The following CHD7 variants were observed in gnomAD, a reference collection of about 807,000 sequenced individuals.
The protein encoded by CHD7 is ATP-dependent chromatin remodeler CHD7.
CHD7 carries 24 observed loss-of-function variants against 307.3 expected under a neutral mutation model. The observed-to-expected ratio is 0.08, with a 90% CI of 0.06 to 0.11. The LOEUF is 0.11. CHD7 is among the 10% of genes least tolerant of loss of function. The probability of loss-of-function intolerance (pLI) is 1.00; values close to 1 mark genes in which losing one functional copy is unlikely to be tolerated. For missense variants in CHD7, 3,106 were observed against 3,727.1 expected, an observed-to-expected ratio of 0.83 and a Z score of 4.34; for synonymous variants, 1,363 against 1,349.9, an observed-to-expected ratio of 1.01 and a Z score of -0.21.
At chr8:60,856,398 A>G in intron 33 of CHD7, 47 bp from the exon 34 acceptor site, 3 of 1,523,088 alleles carry the variant, frequency 2.0e-6, no homozygotes, top group Non-Finnish European at 2.7e-6. Context: ...ATATAGCAGT[A>G]CTGTTTTGGC....
chr8:60,866,062 T>G lies in CHD7; in HGVS notation c.*129T>G, dbSNP rs1276300497. The stretch of plus-strand genomic sequence containing the variant: ...TAACATAGTGTAGCAAAAAAAAAAG[T>G]TCAAGTCATGTTATACAGGTGTGTC... On this transcript the variant is annotated 3_prime_UTR_variant, in exon 38 of 38. Transcript: ENST00000423902. The G allele has an allele frequency of 3.7e-6, 3 of 816,334 alleles. No individual in the cohort carries two copies. The highest frequency in any genetic ancestry group is 5.8e-6 in the Non-Finnish European group (3 of 520,154). 50.6% of individuals were successfully genotyped at this position (816,334 alleles called of 1,614,324 possible).
intron 2 of CHD7, among the ~76,000 whole-genome samples, chr8:60,754,102 C>T (rs905021546): frequency 6.6e-6 from 1 of 152,218 alleles, no homozygotes; most frequent in Non-Finnish European, 1.5e-5. Flanking sequence ...CCTCTCACCC[C>T]TCCACTATTC....
At chr8:60,819,169 G>C (rs959673341) in intron 8 of CHD7, among the ~76,000 whole-genome samples, 2 of 152,118 alleles carry the variant, frequency 1.3e-5, no homozygotes, top group Non-Finnish European at 2.9e-5. Context: ...TGGCCAGGCT[G>C]GTCTTGAACT....
chr8:60,865,310 A>G lies in CHD7; in HGVS notation c.8371A>G (p.Asn2791Asp). Residue 2791 changes from asparagine (N) to aspartate (D), a missense_variant, in exon 38 of 38, where the codon AAC (asparagine) becomes GAC (aspartate). This residue lies in a region of CHD7 where 351 missense variants were observed against 366.2 expected (regional missense o/e 0.96). Coordinates refer to ENST00000423902, the MANE Select transcript of CHD7 (RefSeq NM_017780.4). The surrounding 1 kb of genome is among the most constrained non-coding windows in gnomAD (Gnocchi z 4.3). ...TGCCACCGCCGGAGGCGATGCGAAG[A>G]ACCCTGCTGCTGTGCTGCCCCTGAT... ...TAATAGGDAK[N>D]PAAVLPLMLP... The G allele has an allele frequency of 1.9e-6, 3 of 1,611,764 alleles. No individual in the cohort carries two copies. Among genetic ancestry groups the G allele is most frequent in the Non-Finnish European group, 2.5e-6 (3 of 1,179,144 alleles).
chr8:60,733,808 A>C (rs1054390852), intron 1 of CHD7, among the ~76,000 whole-genome samples: 2 of 152,188 alleles, frequency 1.3e-5, no homozygotes, highest in Admixed American at 6.5e-5. Flanking sequence ...GGCTACTCAG[A>C]ATATCCAGAG....
At chr8:60,712,175 T>C (rs1807311210) in intron 1 of CHD7, among the ~76,000 whole-genome samples, 1 of 152,236 alleles carries the variant, frequency 6.6e-6, no homozygotes, top group South Asian at 2.1e-4. Context: ...TAAAATAATT[T>C]TGGTGGAAGG....
intron 3 of CHD7, among the ~76,000 whole-genome samples, chr8:60,793,073 T>C (rs972795102): frequency 6.6e-6 from 1 of 152,174 alleles, no homozygotes; most frequent in African/African-American, 2.4e-5. Flanking sequence ...GTAATCTGAT[T>C]GCTCTTGGCG....
At chr8:60,770,829 C>T (rs1810673664) in intron 2 of CHD7, among the ~76,000 whole-genome samples, 1 of 152,172 alleles carries the variant, frequency 6.6e-6, no homozygotes, top group Non-Finnish European at 1.5e-5. Flanking sequence ...CAGCTGTTAC[C>T]TTACACCAAG....
At chr8:60,796,723 T>C (rs1812054868) in intron 4 of CHD7, among the ~76,000 whole-genome samples, 1 of 152,156 alleles carries the variant, frequency 6.6e-6, no homozygotes, top group Non-Finnish European at 1.5e-5. Flanking sequence ...CTGTTACGTG[T>C]TCAATAGCTA....
At chr8:60,788,552 G>T (rs1367176881) in intron 3 of CHD7, among the ~76,000 whole-genome samples, 1 of 152,196 alleles carries the variant, frequency 6.6e-6, no homozygotes, top group Non-Finnish European at 1.5e-5. Context: ...CCTGCTAACA[G>T]GTCTCCTCTT....
chr8:60,754,122 G>A (rs1032491144), intron 2 of CHD7, among the ~76,000 whole-genome samples: 6 of 151,992 alleles, frequency 3.9e-5, no homozygotes, highest in African/African-American at 1.5e-4. Flanking sequence ...CTGTGTAGTG[G>A]TCACACACTA....
At position 60,691,821 on chromosome 8, in the gene CHD7, T is replaced by C. The variant is rs567506624; in HGVS notation, c.-175+12739T>C. ...CTCGTAAAGTGTGTTTGTTTTAGAT[T>C]ATTTTAAAGACCCTGTGGAATTTGT... On this transcript the variant is annotated intron_variant, in intron 1 of 37. Transcript: ENST00000423902. 5.9e-5 allele frequency among the ~76,000 whole-genome samples: 9 copies of C among 152,362 alleles called. No homozygotes were observed. In the South Asian group the frequency reaches 1.5e-3, roughly 25 times the overall value.
chr8:60,791,205 A>T (rs533075269), intron 3 of CHD7, among the ~76,000 whole-genome samples: 1 of 152,328 alleles, frequency 6.6e-6, no homozygotes, highest in East Asian at 1.9e-4. Context: ...TGGGAAATAC[A>T]GGAGACAGAG....
intron 7 of CHD7, 28 bp downstream of exon 7, chr8:60,808,300 T>TG (rs763855148): frequency 1.0e-5 from 13 of 1,298,056 alleles, no homozygotes; most frequent in East Asian, 4.8e-5. Context: ...CTGTTTTTAA[T>TG]GGGGGGCTAT....
chr8:60,697,334 G>A (rs1431401159), intron 1 of CHD7, among the ~76,000 whole-genome samples: 1 of 152,150 alleles, frequency 6.6e-6, no homozygotes, highest in East Asian at 1.9e-4. Flanking sequence ...CTTCACAGGA[G>A]GGCAATAGCT....
intron 11 of CHD7, 50 bp from the exon 12 acceptor site, chr8:60,822,453 G>T (rs746540331): frequency 4.5e-6 from 7 of 1,561,878 alleles, no homozygotes. Flanking sequence ...TGACAGCAGT[G>T]TGTCATATCC....
chr8:60,729,745 C>T (rs1808347298), intron 1 of CHD7, among the ~76,000 whole-genome samples: 1 of 152,168 alleles, frequency 6.6e-6, no homozygotes, highest in Admixed American at 6.5e-5. Flanking sequence ...AAACAAATGT[C>T]ATGTCTGGTA....
intron 18 of CHD7, 94 bp downstream of exon 18, chr8:60,837,929 G>A (rs552036022): frequency 2.9e-5 from 38 of 1,322,344 alleles, no homozygotes; most frequent in African/African-American, 1.9e-4. Context: ...ATTATTTTTC[G>A]ACCTCAATAT....
chr8:60,734,323 G>A (rs1016732121), intron 1 of CHD7, among the ~76,000 whole-genome samples: 2 of 152,272 alleles, frequency 1.3e-5, no homozygotes, highest in African/African-American at 2.4e-5. Context: ...GAGAGTCTGC[G>A]TCTCTTACCA....
Sources: gnomAD v4.1 joint callset for allele counts (sites outside exome capture counted in the v4.1 genomes callset) on GRCh38, gnomAD v4.1.1 for gene constraint, gnomAD v4.1.1 regional missense constraint, Gnocchi (gnomAD v3.1) non-coding constraint, MANE v1.5 for transcripts, NCBI Gene and HGNC (gene_info 2026-07-23, HGNC 2026-07-21) for gene names.